Variants in DYNC2LI1 observed in about 807,000 individuals in gnomAD.
The protein encoded by DYNC2LI1 is cytoplasmic dynein 2 light intermediate chain 1.
In DYNC2LI1, 45 loss-of-function variants were observed where a neutral mutation model predicts 51.9. That is an observed-to-expected ratio of 0.87 (90% CI 0.68 to 1.11). DYNC2LI1 has a LOEUF of 1.11. Ranked by LOEUF, DYNC2LI1 falls within the 50% of genes most tolerant of loss-of-function variation. The pLI is 0.00. For missense variants in DYNC2LI1, 490 were observed against 417.4 expected, an observed-to-expected ratio of 1.17 and a Z score of -1.51; for synonymous variants, 130 against 137.8, an observed-to-expected ratio of 0.94 and a Z score of 0.40.
intron 8 of DYNC2LI1, among the ~76,000 whole-genome samples, chr2:43,800,260 C>G (rs1666029743): frequency 6.6e-6 from 1 of 152,042 alleles, no homozygotes; most frequent in Non-Finnish European, 1.5e-5. Flanking sequence ...TTCTGGTTTC[C>G]CTAGTTATAT....
At chr2:43,789,167 C>G (rs1481862040) in intron 4 of DYNC2LI1, among the ~76,000 whole-genome samples, 1 of 152,178 alleles carries the variant, frequency 6.6e-6, no homozygotes, top group Non-Finnish European at 1.5e-5. Flanking sequence ...TTGTTTGTCC[C>G]TTTTCTTCAT....
chr2:43,819,551 C>A, the DYNC2LI1 span, among the ~76,000 whole-genome samples: 1 of 151,654 alleles, frequency 6.6e-6, no homozygotes, highest in Non-Finnish European at 1.5e-5. Flanking sequence ...AGTTCACACT[C>A]AACAGTACCA....
At chr2:43,799,143 T>A (rs944618184) in intron 8 of DYNC2LI1, among the ~76,000 whole-genome samples, 12 of 151,992 alleles carry the variant, frequency 7.9e-5, no homozygotes, top group East Asian at 5.8e-4. Flanking sequence ...TGACAAAAAA[T>A]TTTTTTAATT....
Position 43,775,587 on chromosome 2 carries a change from T to A in DYNC2LI1, c.9-1195T>A, listed in dbSNP as rs1477850745. The stretch of plus-strand genomic sequence containing the variant: ...CAACATGCTTACTGCAGCCTCGACC[T>A]CCAGGGCTCAGGCAATCCTCCTGCC... On this transcript the variant is annotated intron_variant, in intron 1 of 12. Coordinates refer to ENST00000260605, the MANE Select transcript of DYNC2LI1 (RefSeq NM_016008.4). The A allele has an allele frequency of 2.7e-5, 7 of 258,204 alleles. No homozygotes were observed. In the East Asian group the frequency reaches 1.1e-3, roughly 40 times the overall value. 16.0% of individuals were successfully genotyped at this position (258,204 alleles called of 1,614,324 possible). A position where few individuals can be genotyped will look rare whatever the true frequency, so the allele number is the denominator to read the frequency against.
chr2:43,826,353 A>T, the DYNC2LI1 span: 3 of 1,612,508 alleles, frequency 1.9e-6, 1 homozygote, highest in South Asian at 2.2e-5. Context: ...CACACCATAG[A>T]CCCGGCCTTT....
At chr2:43,820,072 G>A in the DYNC2LI1 span, 13 of 1,614,016 alleles carry the variant, frequency 8.1e-6, no homozygotes, top group South Asian at 1.1e-5. Context: ...TATCCAAATC[G>A]GGCAACCTCA....
chr2:43,788,069 C>T (rs1029695526), intron 4 of DYNC2LI1, among the ~76,000 whole-genome samples: 3 of 152,114 alleles, frequency 2.0e-5, no homozygotes, highest in African/African-American at 7.2e-5. Flanking sequence ...TTTTGTGAGT[C>T]ACTTGAATTT....
chr2:43,792,791 C>G, intron 5 of DYNC2LI1: 3 of 1,534,660 alleles, frequency 2.0e-6, no homozygotes, highest in Non-Finnish European at 2.6e-6. Context: ...TTTAGCATAA[C>G]GTCTTCAGGG....
intron 4 of DYNC2LI1, among the ~76,000 whole-genome samples, chr2:43,788,207 A>AT (rs1673613061): frequency 6.6e-6 from 1 of 152,160 alleles, no homozygotes; most frequent in East Asian, 1.9e-4. Flanking sequence ...ATGGAGGGAG[A>AT]TTTTCCAGGG....
the DYNC2LI1 span, chr2:43,828,148 A>C: frequency 6.2e-7 from 1 of 1,613,418 alleles, no homozygotes; most frequent in Non-Finnish European, 8.5e-7. Flanking sequence ...GAAGGCTGGG[A>C]GTCTCTGTGG....
At chr2:43,801,444 T>C in intron 9 of DYNC2LI1, 195 bp from the exon 10 acceptor site, 1 of 425,344 alleles carries the variant, frequency 2.4e-6, no homozygotes, top group Admixed American at 4.4e-5. Flanking sequence ...CTTTTTTTCC[T>C]ATAAAATGTT....
At chr2:43,798,787 G>A (rs539875040) in intron 8 of DYNC2LI1, among the ~76,000 whole-genome samples, 1 of 152,310 alleles carries the variant, frequency 6.6e-6, no homozygotes, top group South Asian at 2.1e-4. Flanking sequence ...GAACCATAAG[G>A]CCTTTCAGGA....
At chr2:43,779,656 T>C (rs1385344378) in intron 2 of DYNC2LI1, among the ~76,000 whole-genome samples, 1 of 152,220 alleles carries the variant, frequency 6.6e-6, no homozygotes, top group Admixed American at 6.5e-5. Context: ...AAGAGAGTGA[T>C]GGCTAAAGCT....
the DYNC2LI1 span, chr2:43,819,940 C>G: frequency 3.1e-6 from 5 of 1,614,098 alleles, no homozygotes; most frequent in Non-Finnish European, 4.2e-6. Context: ...CCAACAAGCA[C>G]CCCCGCAATG....
At chr2:43,812,977 G>A (rs575503195), downstream of DYNC2LI1, 55 of 680,322 alleles carry the variant, frequency 8.1e-5, no homozygotes, top group South Asian at 8.6e-4. Flanking sequence ...GGATCCAAGA[G>A]GCACAAATGG....
chr2:43,776,749 C>T (rs773640198), intron 1 of DYNC2LI1, 33 bp from the exon 2 acceptor site: 8 of 930,938 alleles, frequency 8.6e-6, no homozygotes, highest in Non-Finnish European at 1.1e-5. Flanking sequence ...AATTCTTTTT[C>T]CCTCAATTTT....
At position 43,795,957 on chromosome 2, in the gene DYNC2LI1, A is replaced by C; in HGVS notation, c.575A>C (p.Gln192Pro). 6.2e-7 allele frequency: 1 copy of C among 1,611,734 alleles called. No individual in the cohort carries two copies. The highest frequency in any genetic ancestry group is 8.5e-7 in the Non-Finnish European group (1 of 1,178,032). Residue 192 changes from glutamine (Q) to proline (P), a missense_variant and splice_region_variant, in exon 7 of 13, where the codon CAG (glutamine) becomes CCG (proline). Transcript: ENST00000260605. ...ATTGGAAGTAAATATGATGTTTTTC[A>C]GGTAAGCTCTTCCGCTTCTAGCTGA... ...VIIGSKYDVF[Q>P]DFESEKRKVI...
the DYNC2LI1 span, chr2:43,827,871 T>C: frequency 6.6e-7 from 1 of 1,512,774 alleles, no homozygotes; most frequent in Non-Finnish European, 8.9e-7. Context: ...GTGATTTCAG[T>C]TGTACACAAA....
Position 43,800,854 on chromosome 2 carries a change from C to T in DYNC2LI1, c.668C>T (p.Ser223Leu). 1 of 1,594,628 alleles carries T rather than the reference C, an allele frequency of 6.3e-7. No individual in the cohort carries two copies. The highest frequency in any genetic ancestry group is 8.6e-7 in the Non-Finnish European group (1 of 1,168,644). Residue 223 changes from serine to leucine, a missense_variant, in exon 9 of 13, where the codon TCA becomes TTA. Coordinates refer to ENST00000260605, the MANE Select transcript of DYNC2LI1 (RefSeq NM_016008.4). Reference sequence around the variant, plus strand: ...ATTTGTTTAAAGTTTACCAGTAAATCAGAAGCTCTATTACTAAAAATACGT... The same window carrying T: ...ATTTGTTTAAAGTTTACCAGTAAATTAGAAGCTCTATTACTAAAAATACGT... ...YGASLMFTSK[S>L]EALLLKIRGV...
Sources: gnomAD v4.1 joint callset for allele counts (sites outside exome capture counted in the v4.1 genomes callset) on GRCh38, gnomAD v4.1.1 for gene constraint, MANE v1.5 for transcripts, NCBI Gene and HGNC (gene_info 2026-07-23, HGNC 2026-07-21) for gene names.